PTK7: variants seen among roughly 807,000 people sequenced by gnomAD.
The protein encoded by PTK7 is inactive tyrosine-protein kinase 7.
In PTK7, 39 loss-of-function variants were observed where a neutral mutation model predicts 116.6. The ratio of observed to expected loss-of-function variants is 0.33; its 90% CI spans 0.26 to 0.44. The LOEUF is 0.44. PTK7 is among the 20% of genes least tolerant of loss of function. PTK7 has a pLI of 1.00. For synonymous variants in PTK7, 546 were observed against 563.6 expected, an observed-to-expected ratio of 0.97 and a Z score of 0.44; for missense variants, 1,169 against 1,425.6, an observed-to-expected ratio of 0.82 and a Z score of 2.90.
chr6:43,146,932 G>A (rs780243032), intron 17 of PTK7, among the ~76,000 whole-genome samples: 2 of 152,264 alleles, frequency 1.3e-5, no homozygotes, highest in African/African-American at 4.8e-5. Flanking sequence ...ATGTAGCCTG[G>A]AAGTGGCTTT....
At chr6:43,079,488 G>A (rs1448530074) in intron 1 of PTK7, among the ~76,000 whole-genome samples, 2 of 146,946 alleles carry the variant, frequency 1.4e-5, no homozygotes, top group Non-Finnish European at 3.0e-5. Context: ...GTGACAGAGC[G>A]AGACTCCGTC....
intron 1 of PTK7, among the ~76,000 whole-genome samples, chr6:43,103,270 G>C (rs1407718846): frequency 6.6e-6 from 1 of 152,230 alleles, no homozygotes; most frequent in Non-Finnish European, 1.5e-5. Context: ...GTCGAAGGGG[G>C]TGAAAGAGAG....
rs776749949 is a variant in PTK7, at chr6:43,130,637, A to C, written c.788A>C (p.Glu263Ala). The C allele has an allele frequency of 6.2e-7, 1 of 1,614,184 alleles. No homozygotes were observed. Among genetic ancestry groups the C allele is most frequent in the Non-Finnish European group, 8.5e-7 (1 of 1,180,028 alleles). ...AGCCTGCAGTGGCTCTTTGAGGATGAGACTCCCATCACTAACCGCAGTCGG... is the reference window on the plus strand; with the variant it reads ...AGCCTGCAGTGGCTCTTTGAGGATGCGACTCCCATCACTAACCGCAGTCGG... ...PPSLQWLFEDETPITNRSRPP... is the reference protein window; with the variant it reads ...PPSLQWLFEDATPITNRSRPP... Residue 263 changes from glutamate (E) to alanine (A), a missense_variant, in exon 5 of 20, where the codon GAG (glutamate) becomes GCG (alanine). Glu to Ala is a moderately radical substitution (Grantham distance 107, BLOSUM62 -1). Transcript: ENST00000230419.
intron 1 of PTK7, among the ~76,000 whole-genome samples, chr6:43,127,583 CTCT>C (rs1769369902): frequency 6.6e-6 from 1 of 152,216 alleles, no homozygotes; most frequent in Non-Finnish European, 1.5e-5. Flanking sequence ...CATGGCTCTC[CTCT>C]TAACACAGAG....
At chr6:43,124,365 T>G (rs1769150369) in intron 1 of PTK7, among the ~76,000 whole-genome samples, 1 of 152,208 alleles carries the variant, frequency 6.6e-6, no homozygotes, top group African/African-American at 2.4e-5. Context: ...CTGCCAGGTC[T>G]CCTTTGTCTG....
rs894133325 is a variant in PTK7, at chr6:43,076,977, G to A, written c.79+410G>A. The A allele has an allele frequency of 8.0e-6, 12 of 1,503,608 alleles. No homozygotes were observed. Among genetic ancestry groups the A allele is most frequent in the African/African-American group, 4.2e-5 (3 of 72,178 alleles). 93.1% of individuals were successfully genotyped at this position (1,503,608 alleles called of 1,614,324 possible). A position where few individuals can be genotyped will look rare whatever the true frequency, so the allele number is the denominator to read the frequency against. ...GGAATTCCCCACCCCACCCGGCAGG[G>A]TCGGCCCAGGTAAGAGTTGCTGGTT... On this transcript the variant is annotated intron_variant, in intron 1 of 19. Transcript: ENST00000230419. This position sits in a 1 kb window ranked among gnomAD's most constrained non-coding sequence, Gnocchi z 5.7.
chr6:43,111,556 C>G (rs1243161287), intron 1 of PTK7, among the ~76,000 whole-genome samples: 1 of 152,184 alleles, frequency 6.6e-6, no homozygotes, highest in African/African-American at 2.4e-5. Context: ...AGTCCAAACT[C>G]ACATAATACT....
At chr6:43,116,651 T>TGTGTGTGTGCGCGCGCGCGCGC (rs1323606377) in intron 1 of PTK7, among the ~76,000 whole-genome samples, 4 of 77,210 alleles carry the variant, frequency 5.2e-5, no homozygotes, top group African/African-American at 2.6e-4. Flanking sequence ...TGTGTGTGTG[T>TGTGTGTGTGCGCGCGCGCGCGC]GCGCGCGCAC....
chr6:43,125,525 C>T (rs1561961624), intron 1 of PTK7, among the ~76,000 whole-genome samples: 1 of 152,224 alleles, frequency 6.6e-6, no homozygotes, highest in Non-Finnish European at 1.5e-5. Flanking sequence ...CCCTTCCCCT[C>T]TATCCCACCC....
chr6:43,082,736 A>C (rs145462422), intron 1 of PTK7, among the ~76,000 whole-genome samples: 114 of 152,298 alleles, frequency 7.5e-4, no homozygotes, highest in South Asian at 4.6e-3. Flanking sequence ...TTGTCAAGAA[A>C]TTTCTCCATT....
chr6:43,082,698 C>T (rs184388173), intron 1 of PTK7, among the ~76,000 whole-genome samples: 119 of 152,290 alleles, frequency 7.8e-4, no homozygotes, highest in African/African-American at 2.8e-3. Context: ...TTAATATTAC[C>T]TCCTTTGGGT....
chr6:43,138,176 G>T (rs943108335), intron 7 of PTK7, among the ~76,000 whole-genome samples: 11 of 78,306 alleles, frequency 1.4e-4, no homozygotes, highest in African/African-American at 1.1e-3. Context: ...ACCTTGGGGG[G>T]TTTGTTTTTT....
At chr6:43,114,022 T>C (rs1035081109) in intron 1 of PTK7, among the ~76,000 whole-genome samples, 8 of 148,326 alleles carry the variant, frequency 5.4e-5, no homozygotes, top group Non-Finnish European at 1.0e-4. Context: ...GGACTCAGTC[T>C]GGAGTCCCTG....
intron 17 of PTK7, among the ~76,000 whole-genome samples, chr6:43,157,332 A>G (rs1376718154): frequency 2.9e-3 from 2 of 690 alleles, no homozygotes; most frequent in Non-Finnish European, 7.8e-3. Flanking sequence ...CACGCTATAT[A>G]TATATATATA....
intron 5 of PTK7, chr6:43,131,752 ACT>A (rs1361047130): frequency 3.5e-5 from 18 of 514,676 alleles, no homozygotes; most frequent in Non-Finnish European, 3.5e-6. Context: ...AAACCATATC[ACT>A]CTCTCTCGCA....
chr6:43,124,229 C>T (rs1769141389), intron 1 of PTK7, among the ~76,000 whole-genome samples: 1 of 152,226 alleles, frequency 6.6e-6, no homozygotes, highest in South Asian at 2.1e-4. Flanking sequence ...GGTACCACCT[C>T]AATCCCGAAC....
chr6:43,160,405 A>C (rs1292062501), intron 19 of PTK7, among the ~76,000 whole-genome samples: 1 of 152,152 alleles, frequency 6.6e-6, no homozygotes, highest in African/African-American at 2.4e-5. Flanking sequence ...GGCGTGAGCC[A>C]CCACACCTGG....
intron 7 of PTK7, among the ~76,000 whole-genome samples, chr6:43,136,115 C>A (rs1464517105): frequency 1.2e-4 from 18 of 151,966 alleles, no homozygotes; most frequent in African/African-American, 4.4e-4. Flanking sequence ...GAGATTGCGC[C>A]ACTGCACTCC....
intron 1 of PTK7, among the ~76,000 whole-genome samples, chr6:43,123,664 G>A (rs1421508503): frequency 6.6e-6 from 1 of 152,158 alleles, no homozygotes; most frequent in African/African-American, 2.4e-5. Context: ...CATATAGATG[G>A]CTGTTAGGGA....
Sources: allele counts gnomAD v4.1 joint callset (sites outside exome capture counted in the v4.1 genomes callset), GRCh38; gene constraint gnomAD v4.1.1; non-coding constraint Gnocchi (gnomAD v3.1); transcripts MANE v1.5; gene names NCBI Gene and HGNC (gene_info 2026-07-23, HGNC 2026-07-21).